IMPG1: variants seen among roughly 807,000 people sequenced by gnomAD.
The protein encoded by IMPG1 is interphotoreceptor matrix proteoglycan 1, also known as interphotoreceptor matrix proteoglycan of 150 kDa.
Under a neutral mutation model 92.0 loss-of-function variants are expected in IMPG1, and 85 were observed. That is an observed-to-expected ratio of 0.92 (90% CI 0.78 to 1.11). The LOEUF is 1.11. IMPG1 is among the 50% of genes least tolerant of loss of function. The pLI is 0.00. For synonymous variants in IMPG1, 367 were observed against 334.1 expected, an observed-to-expected ratio of 1.10 and a Z score of -1.08; for missense variants, 1,022 against 956.0, an observed-to-expected ratio of 1.07 and a Z score of -0.91.
intron 1 of IMPG1, among the ~76,000 whole-genome samples, chr6:76,068,313 T>C (rs1784346003): frequency 6.6e-6 from 1 of 152,118 alleles, no homozygotes; most frequent in Non-Finnish European, 1.5e-5. Context: ...AAAAGACTCC[T>C]AGATTTGACA....
chr6:75,987,807 A>G (rs1332323129), intron 12 of IMPG1, among the ~76,000 whole-genome samples: 2 of 151,906 alleles, frequency 1.3e-5, no homozygotes, highest in Admixed American at 6.6e-5. Context: ...ACAAGGCCCG[A>G]CTAATTTTTT....
chr6:76,002,893 A>G (rs1169199550), intron 12 of IMPG1, 25 bp downstream of exon 12: 1 of 1,568,694 alleles, frequency 6.4e-7, no homozygotes, highest in Non-Finnish European at 8.8e-7. Context: ...GTCATCTAAC[A>G]TAGACTTTGT....
At chr6:76,029,967 G>A (rs1457807472) in intron 4 of IMPG1, among the ~76,000 whole-genome samples, 4 of 151,484 alleles carry the variant, frequency 2.6e-5, no homozygotes, top group African/African-American at 4.9e-5. Flanking sequence ...CCAAGCTTTA[G>A]GTAAAAGCCC....
intron 1 of IMPG1, among the ~76,000 whole-genome samples, chr6:76,049,859 A>C (rs1784006767): frequency 6.6e-6 from 1 of 152,188 alleles, no homozygotes; most frequent in Non-Finnish European, 1.5e-5. Context: ...ACTAAGGAAA[A>C]TGGTTGGCAC....
intron 12 of IMPG1, among the ~76,000 whole-genome samples, chr6:75,964,120 T>C (rs926153732): frequency 1.3e-5 from 2 of 152,210 alleles, no homozygotes; most frequent in South Asian, 4.1e-4. Context: ...CAGGGCTGTA[T>C]GCATGCTCCG....
chr6:76,015,038 A>C (rs891711362), intron 7 of IMPG1, among the ~76,000 whole-genome samples: 6 of 152,208 alleles, frequency 3.9e-5, no homozygotes, highest in African/African-American at 1.4e-4. Flanking sequence ...CTTATTAATA[A>C]TACTAAATGC....
chr6:76,071,160 ATAAT>A (rs1208436884), intron 1 of IMPG1, among the ~76,000 whole-genome samples: 1 of 148,252 alleles, frequency 6.7e-6, no homozygotes, highest in Non-Finnish European at 1.5e-5. Flanking sequence ...TATATGACAT[ATAAT>A]TGTTATATAT....
chr6:76,056,699 T>C (rs1784125977), intron 1 of IMPG1, among the ~76,000 whole-genome samples: 1 of 152,210 alleles, frequency 6.6e-6, no homozygotes, highest in African/African-American at 2.4e-5. Flanking sequence ...CACTTATCTG[T>C]TGTCTTTGAT....
intron 8 of IMPG1, among the ~76,000 whole-genome samples, chr6:76,010,007 C>T (rs1783156397): frequency 1.3e-5 from 2 of 152,290 alleles, no homozygotes; most frequent in African/African-American, 2.4e-5. Flanking sequence ...GAAAATACTA[C>T]CGAGCAGCAT....
At position 75,978,253 on chromosome 6, in the gene IMPG1, T is replaced by C. The variant is rs149421393; in HGVS notation, c.1291+24665A>G. Among the ~76,000 whole-genome samples, 503 of 151,114 alleles carry C rather than the reference T, an allele frequency of 3.3e-3. 3 individuals are homozygous for C. Among genetic ancestry groups the C allele is most frequent in the Middle Eastern group, 0.031 (9 of 294 alleles). The stretch of plus-strand genomic sequence containing the variant: ...TGTCTTGGTTCTCCCTCTTCTGCTT[T>C]GTGTGTTGTATGTTTGGCTCCATTT... On this transcript the variant is annotated intron_variant, in intron 12 of 16. Coordinates refer to ENST00000369950, the MANE Select transcript of IMPG1 (RefSeq NM_001563.4).
At chr6:75,982,613 A>G (rs1023587465) in intron 12 of IMPG1, among the ~76,000 whole-genome samples, 2 of 150,442 alleles carry the variant, frequency 1.3e-5, no homozygotes, top group Non-Finnish European at 2.9e-5. Flanking sequence ...GTATATATAT[A>G]TGTGTGTGTA....
chr6:75,965,365 CTTT>C (rs57386883), intron 12 of IMPG1, among the ~76,000 whole-genome samples: 1 of 145,096 alleles, frequency 6.9e-6, no homozygotes, highest in Non-Finnish European at 1.5e-5. Flanking sequence ...TTTGTTGTTA[CTTT>C]TTTTTTTTTT....
At chr6:76,032,745 AG>A (rs1783672160) in intron 4 of IMPG1, among the ~76,000 whole-genome samples, 1 of 152,180 alleles carries the variant, frequency 6.6e-6, no homozygotes, top group African/African-American at 2.4e-5. Context: ...GAATTTGGAT[AG>A]ATGGAGTGGA....
At chr6:76,004,037 C>G (rs1590560) in intron 10 of IMPG1, 87 bp from the exon 11 acceptor site, 3 of 925,846 alleles carry the variant, frequency 3.2e-6, no homozygotes, top group Non-Finnish European at 1.7e-6. Context: ...TTGAAATATG[C>G]GGAATAACCA....
chr6:75,966,537 G>C (rs560627423), intron 12 of IMPG1, among the ~76,000 whole-genome samples: 2 of 152,082 alleles, frequency 1.3e-5, no homozygotes, highest in African/African-American at 2.4e-5. Flanking sequence ...CCAGATGCAG[G>C]ACCCTCGACC....
At chr6:75,992,317 T>C (rs188059428) in intron 12 of IMPG1, among the ~76,000 whole-genome samples, 1 of 152,270 alleles carries the variant, frequency 6.6e-6, no homozygotes, top group East Asian at 1.9e-4. Context: ...TCTCTCTTTC[T>C]CATTGTGTTC....
Position 76,049,574 on chromosome 6 carries a change from G to C in IMPG1, c.68-7448C>G, listed in dbSNP as rs1582130101. Among the ~76,000 whole-genome samples the C allele has an allele frequency of 2.0e-5, 3 of 152,236 alleles. No individual in the cohort carries two copies. The East Asian group carries it at 5.8e-4, about 29-fold the overall frequency. On this transcript the variant is annotated intron_variant, in intron 1 of 16. Transcript: ENST00000369950. ...TGGATATGACACTTCACCAGAAGGT[G>C]TGACTATCTAACACACAATATACAG...
At chr6:76,021,778 C>CACATATATATATATATAT (rs1783428426) in intron 6 of IMPG1, among the ~76,000 whole-genome samples, 1 of 49,486 alleles carries the variant, frequency 2.0e-5, no homozygotes, top group Non-Finnish European at 3.7e-5. Context: ...ACTTGGAGAG[C>CACATATATATATATATAT]ATATATATAT....
At chr6:75,994,412 T>C (rs1221907323) in intron 12 of IMPG1, among the ~76,000 whole-genome samples, 1 of 152,204 alleles carries the variant, frequency 6.6e-6, no homozygotes, top group East Asian at 1.9e-4. Flanking sequence ...TGTAAAATAC[T>C]GGATAGTTCA....
Sources: gnomAD v4.1 joint callset for allele counts (sites outside exome capture counted in the v4.1 genomes callset) on GRCh38, gnomAD v4.1.1 for gene constraint, MANE v1.5 for transcripts, NCBI Gene and HGNC (gene_info 2026-07-23, HGNC 2026-07-21) for gene names.